Variants in PRDM15 observed in about 807,000 individuals in gnomAD.
PRDM15 encodes the protein PR/SET domain 15.
A neutral mutation model predicts 128.6 loss-of-function variants in PRDM15; 64 were observed. The ratio of observed to expected loss-of-function variants is 0.50; its 90% CI spans 0.41 to 0.61. The LOEUF (loss-of-function observed/expected upper bound fraction) is 0.61, where lower values mean the gene tolerates loss of function less well. Among genes scored for constraint, PRDM15 ranks in the 20% least tolerant of loss-of-function variants. The probability of loss-of-function intolerance (pLI) is 0.00; values close to 1 mark genes in which losing one functional copy is unlikely to be tolerated. For missense variants in PRDM15, 1,242 were observed against 1,569.1 expected, an observed-to-expected ratio of 0.79 and a Z score of 3.52; for synonymous variants, 615 against 621.8, an observed-to-expected ratio of 0.99 and a Z score of 0.16.
chr21:41,848,544 A>T (rs150942120), intron 5 of PRDM15, among the ~76,000 whole-genome samples: 170 of 152,346 alleles, frequency 1.1e-3, no homozygotes, highest in South Asian at 7.5e-3. Flanking sequence ...TGGAAATCAG[A>T]GCCAAATTCC....
Position 41,801,562 on chromosome 21 carries a change from T to A in PRDM15, c.3104A>T (p.Gln1035Leu). 6.2e-7 allele frequency: 1 copy of A among 1,614,186 alleles called. No individual in the cohort carries two copies. Among genetic ancestry groups the A allele is most frequent in the Non-Finnish European group, 8.5e-7 (1 of 1,180,028 alleles). Reference protein sequence around the residue: ...GHLTTPERQLQLDNSILTVTF... With the variant: ...GHLTTPERQLLLDNSILTVTF... ...CACGGTCAGGATTGAGTTGTCCAGC[T>A]GTAACTGGCGTTCAGGGGTGGTAAG... The change falls in exon 24 of 24, where the codon CAG becomes CTG. Residue 1035 changes from glutamine (Q) to leucine (L), a missense_variant. Gln to Leu is a moderately radical substitution (Grantham distance 113). Coordinates refer to ENST00000398548, the MANE Select transcript of PRDM15 (RefSeq NM_001040424.3).
At chr21:41,806,006 T>TCACCACCACCATCAC (rs1568879586) in intron 21 of PRDM15, among the ~76,000 whole-genome samples, 16 of 42,438 alleles carry the variant, frequency 3.8e-4, no homozygotes, top group Admixed American at 7.3e-4. Context: ...ACCACCACCA[T>TCACCACCACCATCAC]CACCACCACC....
At position 41,828,911 on chromosome 21, in the gene PRDM15, C is replaced by A. The variant is rs1038134146; in HGVS notation, c.1367-578G>T. Among the ~76,000 whole-genome samples the A allele has an allele frequency of 5.6e-4, 85 of 151,626 alleles. No homozygotes were observed. Among genetic ancestry groups the A allele is most frequent in the African/African-American group, 2.0e-3 (81 of 41,170 alleles). ...CACACAATCACACACCACACAAATA[C>A]AAACACACTCAACACACACCCCCCA... On this transcript the variant is annotated intron_variant, in intron 11 of 23. Transcript: ENST00000398548. The surrounding 1 kb of genome is among the most constrained non-coding windows in gnomAD (Gnocchi z 5.7).
intron 17 of PRDM15, 140 bp downstream of exon 17, chr21:41,819,955 A>G: frequency 1.2e-6 from 1 of 815,456 alleles, no homozygotes; most frequent in Non-Finnish European, 2.0e-6. Context: ...AAGGACGGGA[A>G]AAGCTGGAGA....
chr21:41,823,280 G>A (rs929662228), intron 14 of PRDM15, 38 bp downstream of exon 14: 23 of 1,600,710 alleles, frequency 1.4e-5, no homozygotes, highest in Admixed American at 8.5e-5. Flanking sequence ...GGGGCCTGCC[G>A]TGAGCATGCC....
At position 41,825,954 on chromosome 21, in the gene PRDM15, C is replaced by A; in HGVS notation, c.1629+6G>T. 1 of 1,608,748 alleles carries A rather than the reference C, an allele frequency of 6.2e-7. No homozygotes were observed. The highest frequency in any genetic ancestry group is 2.2e-5 in the East Asian group (1 of 44,862). On this transcript the variant is annotated splice_donor_region_variant and intron_variant, in intron 13 of 23. Transcript: ENST00000398548. ...CTCAGCGTCCGACGTGGACTGCGAG[C>A]ATTACCTTGCCACACACCGGGCACC...
At chr21:41,816,352 G>A (rs138262346) in intron 18 of PRDM15, among the ~76,000 whole-genome samples, 1,701 of 152,338 alleles carry the variant, frequency 0.011, 27 homozygotes, top group African/African-American at 0.038. Flanking sequence ...GGCTGAGTCA[G>A]AGGTTGTGGT....
rs2061355055 is a variant in PRDM15, at chr21:41,798,755, T to C, written c.*2485A>G. Reference sequence around the variant, plus strand: ...ATACATCTGTGCACCTGGGATCAGTTAAAAAACGAAATACTTCCTGTCATG... The same window carrying C: ...ATACATCTGTGCACCTGGGATCAGTCAAAAAACGAAATACTTCCTGTCATG... On this transcript the variant is annotated 3_prime_UTR_variant, in exon 24 of 24. Coordinates refer to ENST00000398548, the MANE Select transcript of PRDM15 (RefSeq NM_001040424.3). The C allele has an allele frequency of 6.6e-6, 1 of 152,184 alleles. No homozygotes were observed. The highest frequency in any genetic ancestry group is 1.5e-5 in the Non-Finnish European group (1 of 68,040). The allele number at this position is 152,184 out of a possible 1,614,324, so 9.4% of individuals were successfully genotyped here. A position where few individuals can be genotyped will look rare whatever the true frequency, so the allele number is the denominator to read the frequency against.
intron 1 of PRDM15, among the ~76,000 whole-genome samples, chr21:41,870,465 A>C (rs968406259): frequency 6.6e-6 from 1 of 152,184 alleles, no homozygotes; most frequent in East Asian, 1.9e-4. Context: ...AAAAGCACTC[A>C]GGGAAAACCC....
chr21:41,871,181 CT>C (rs2064194841), intron 1 of PRDM15, among the ~76,000 whole-genome samples: 1 of 152,228 alleles, frequency 6.6e-6, no homozygotes, highest in Admixed American at 6.5e-5. Flanking sequence ...TCACTGCCTG[CT>C]GCCCAGCAGT....
chr21:41,876,479 A>G (rs945403474), intron 1 of PRDM15, among the ~76,000 whole-genome samples: 9 of 152,126 alleles, frequency 5.9e-5, no homozygotes, highest in Non-Finnish European at 1.0e-4. Flanking sequence ...GATCACCATG[A>G]ACACCGCTGG....
At chr21:41,877,785 C>T (rs1251594554) in intron 1 of PRDM15, among the ~76,000 whole-genome samples, 3 of 152,350 alleles carry the variant, frequency 2.0e-5, no homozygotes, top group South Asian at 4.1e-4. Flanking sequence ...ACCGTCCCGC[C>T]TGCTTCCAAA....
intron 1 of PRDM15, among the ~76,000 whole-genome samples, chr21:41,866,856 A>G (rs73906122): frequency 0.016 from 2,387 of 152,228 alleles, 62 homozygotes; most frequent in African/African-American, 0.054. Flanking sequence ...TAGAGCCCAG[A>G]TCCGGCTGGA....
At chr21:41,852,969 GTAA>G (rs2063475145) in intron 5 of PRDM15, among the ~76,000 whole-genome samples, 1 of 152,226 alleles carries the variant, frequency 6.6e-6, no homozygotes. Flanking sequence ...AGAGACTGGA[GTAA>G]CACAGCCATA....
At position 41,810,031 on chromosome 21, in the gene PRDM15, A is replaced by G; in HGVS notation, c.2652+123T>C. On this transcript the variant is annotated intron_variant, in intron 21 of 23. Coordinates refer to ENST00000398548, the MANE Select transcript of PRDM15 (RefSeq NM_001040424.3). This position sits in a 1 kb window ranked among gnomAD's most constrained non-coding sequence, Gnocchi z 6.4. ...GGCAGTGCCAGTCACAGACGCACCT[A>G]AGACTCAGGGCCTGCCTCCAGTACT... 1.0e-6 allele frequency: 1 copy of G among 967,626 alleles called. No homozygotes were observed. The highest frequency in any genetic ancestry group is 1.5e-6 in the Non-Finnish European group (1 of 658,284). The allele number at this position is 967,626 out of a possible 1,614,324, so 59.9% of individuals were successfully genotyped here.
Position 41,820,136 on chromosome 21 carries a change from T to C in PRDM15, c.2099A>G (p.Asn700Ser). The change falls in exon 17 of 24, where the codon AAC (asparagine) becomes AGC (serine). Residue 700 changes from asparagine to serine, a missense_variant. Transcript: ENST00000398548. Reference protein sequence around the residue: ...HPCEICGRIFNSIGNLERHKL... With the variant: ...HPCEICGRIFSSIGNLERHKL... ...GTGGCGCTCCAGGTTCCCGATGCTG[T>C]TGAAGATCCGCCCGCAGATCTCGCA... 1 of 1,613,728 alleles carries C rather than the reference T, an allele frequency of 6.2e-7. No homozygotes were observed. Among genetic ancestry groups the C allele is most frequent in the Non-Finnish European group, 8.5e-7 (1 of 1,179,858 alleles).
intron 5 of PRDM15, among the ~76,000 whole-genome samples, chr21:41,852,249 G>C (rs539714413): frequency 1.3e-5 from 2 of 152,364 alleles, no homozygotes; most frequent in Admixed American, 6.5e-5. Flanking sequence ...AGCTGACAAG[G>C]GGGTAAACGG....
At position 41,859,275 on chromosome 21, in the gene PRDM15, T is replaced by C; in HGVS notation, c.131+317A>G. On this transcript the variant is annotated intron_variant, in intron 3 of 23. Transcript: ENST00000398548. The surrounding 1 kb of genome is among the most constrained non-coding windows in gnomAD (Gnocchi z 5.3). ...ACGAGCAGACCTCCAGCTTGGCTGC[T>C]GGTGCTCAGCACGTCAACCACCTTG... is the stretch of plus-strand genomic sequence containing the variant. 2 of 1,575,068 alleles carry C rather than the reference T, an allele frequency of 1.3e-6. No individual in the cohort carries two copies. Among genetic ancestry groups the C allele is most frequent in the Non-Finnish European group, 1.7e-6 (2 of 1,148,852 alleles).
At chr21:41,818,912 T>C (rs1168635909) in intron 18 of PRDM15, among the ~76,000 whole-genome samples, 1 of 152,226 alleles carries the variant, frequency 6.6e-6, no homozygotes, top group Non-Finnish European at 1.5e-5. Context: ...CAATGAAGAT[T>C]CCTCGGCCGT....
Sources: allele counts gnomAD v4.1 joint callset (sites outside exome capture counted in the v4.1 genomes callset), GRCh38; gene constraint gnomAD v4.1.1; non-coding constraint Gnocchi (gnomAD v3.1); transcripts MANE v1.5; gene names NCBI Gene and HGNC (gene_info 2026-07-23, HGNC 2026-07-21).